DHX36: variants seen among roughly 807,000 people sequenced by gnomAD.
The protein encoded by DHX36 is ATP-dependent DNA/RNA helicase DHX36.
Under a neutral mutation model 139.0 loss-of-function variants are expected in DHX36, and 50 were observed. The observed-to-expected ratio is 0.36, with a 90% CI of 0.29 to 0.46. DHX36 has a LOEUF of 0.46. DHX36 is among the 20% of genes least tolerant of loss of function. The pLI, the probability that DHX36 is intolerant of heterozygous loss-of-function variation, is 1.00. For missense variants in DHX36, 1,024 were observed against 1,211.3 expected (o/e 0.85, Z 2.29); for synonymous variants, 425 against 401.9 (o/e 1.06, Z -0.69).
In DHX36 at chr3:154,324,124, GA is replaced by G. The variant is rs770667880; in HGVS notation, c.243+49del. The G allele has an allele frequency of 7.2e-6, 11 of 1,538,088 alleles. 1 individual carries two copies. In the South Asian group the frequency reaches 1.2e-4, roughly 17 times the overall value. ...AAGAAAAAGGGGGCAGCGGGAGAGA[GA>G]AGAAAACCTGTGCTGCCTCATCCTC... is the stretch of plus-strand genomic sequence containing the variant. On this transcript the variant is annotated intron_variant, in intron 1 of 24. Coordinates refer to ENST00000496811, the MANE Select transcript of DHX36 (RefSeq NM_020865.3).
Position 154,312,900 on chromosome 3 carries a change from T to TAA in DHX36, c.604-1228_604-1227dup, listed in dbSNP as rs1553759842. 6.7e-3 allele frequency among the ~76,000 whole-genome samples: 451 copies of TAA among 67,562 alleles called. 30 individuals carry two copies. The highest frequency in any genetic ancestry group is 0.013 in the East Asian group (22 of 1,660). The allele number at this position is 67,562 out of a possible 152,430, so 44.3% of individuals were successfully genotyped here. ...ATATATATATATATATATATATATA[T>TAA]AAAATAAATAAAGAACTGTCTTTGG... On this transcript the variant is annotated intron_variant, in intron 3 of 24. Transcript: ENST00000496811.
Position 154,292,711 on chromosome 3 carries a change from T to G in DHX36, c.1671-17A>C, listed in dbSNP as rs772599780. On this transcript the variant is annotated splice_polypyrimidine_tract_variant and intron_variant, in intron 14 of 24. Transcript: ENST00000496811. ...ATGGTAATGCTGTTTGGAAAACAGA[T>G]ATATAAAATGTTAAAACACACACAC... is the stretch of plus-strand genomic sequence containing the variant. The G allele has an allele frequency of 1.2e-6, 2 of 1,603,490 alleles. No homozygotes were observed. Among genetic ancestry groups the G allele is most frequent in the Non-Finnish European group, 1.7e-6 (2 of 1,177,920 alleles).
intron 23 of DHX36, 148 bp downstream of exon 23, chr3:154,277,450 T>C (rs2108329001): frequency 1.6e-6 from 1 of 637,214 alleles, no homozygotes; most frequent in African/African-American, 1.8e-5. Context: ...AAAGAATAGG[T>C]TATTTGTTAG....
chr3:154,298,682 G>A (rs1051700191), intron 12 of DHX36, among the ~76,000 whole-genome samples: 2 of 150,704 alleles, frequency 1.3e-5, no homozygotes, highest in African/African-American at 4.9e-5. Context: ...TTGGGAGGCC[G>A]AGGCAGGCAG....
At chr3:154,300,069 T>C (rs868659280) in intron 11 of DHX36, 144 bp from the exon 12 acceptor site, 2 of 604,412 alleles carry the variant, frequency 3.3e-6, no homozygotes, top group Non-Finnish European at 3.0e-6. Context: ...ATAAGCTTTT[T>C]TTTTTTAATT....
In DHX36 at chr3:154,305,172, T is replaced by C. The variant is rs1048475920; in HGVS notation, c.894-4A>G. 8 of 1,610,168 alleles carry C rather than the reference T, an allele frequency of 5.0e-6. No individual in the cohort carries two copies. Among genetic ancestry groups the C allele is most frequent in the Admixed American group, 1.7e-5 (1 of 59,236 alleles). The stretch of plus-strand genomic sequence containing the variant: ...ACCCTGTTTCCTTGGCAACCGACTG[T>C]GAATGAAAGACATGAATTAATAAGC... On this transcript the variant is annotated splice_polypyrimidine_tract_variant and splice_region_variant and intron_variant, in intron 6 of 24. Transcript: ENST00000496811.
Position 154,324,195 on chromosome 3 carries a change from GTTC to G in DHX36, c.219_221del (p.Lys73del), listed in dbSNP as rs1559963310. On this transcript the variant is annotated inframe_deletion, in exon 1 of 25. Coordinates refer to ENST00000496811, the MANE Select transcript of DHX36 (RefSeq NM_020865.3). ...TTACCTCTTGCCTCTCCGCTTCCTT[GTTC>G]TTCTGCCCCTGTTTTTTCGCGTACC... 6.2e-7 allele frequency: 1 copy of G among 1,612,636 alleles called. No individual in the cohort carries two copies. The highest frequency in any genetic ancestry group is 8.5e-7 in the Non-Finnish European group (1 of 1,179,164).
rs76014222 is a variant in DHX36, at chr3:154,306,738, A to G, written c.814-443T>C. 6.8e-4 allele frequency among the ~76,000 whole-genome samples: 103 copies of G among 152,328 alleles called. 1 individual carries two copies. In the East Asian group the frequency reaches 0.017, roughly 26 times the overall value. On this transcript the variant is annotated intron_variant, in intron 5 of 24. Transcript: ENST00000496811. ...GTTTTGAAAGTTATGACTGCCAAAA[A>G]TAAGATTTGGAAAGATGAAATGTTA... is the stretch of plus-strand genomic sequence containing the variant.
chr3:154,299,935 G>A lies in DHX36; in HGVS notation c.1462-10C>T, dbSNP rs1484968206. 6.3e-7 allele frequency: 1 copy of A among 1,594,930 alleles called. No individual in the cohort carries two copies. The highest frequency in any genetic ancestry group is 8.6e-7 in the Non-Finnish European group (1 of 1,163,208). On this transcript the variant is annotated splice_polypyrimidine_tract_variant and intron_variant, in intron 11 of 24. Coordinates refer to ENST00000496811, the MANE Select transcript of DHX36 (RefSeq NM_020865.3). ...CCAGTATCGCACCATCCTATATGAA[G>A]GGGAAATAACCATTACAAAGGATCA...
chr3:154,291,928 ACTT>A (rs1357864487), intron 15 of DHX36, among the ~76,000 whole-genome samples: 2 of 152,244 alleles, frequency 1.3e-5, no homozygotes, highest in African/African-American at 4.8e-5. Flanking sequence ...AGATAGTTTT[ACTT>A]CTTAAGTTAT....
chr3:154,286,183 A>AAC lies in DHX36; in HGVS notation c.2032-1197_2032-1196insGT, dbSNP rs1559946845. Among the ~76,000 whole-genome samples, 46 of 147,846 alleles carry AAC rather than the reference A, an allele frequency of 3.1e-4. 1 individual carries two copies. Among genetic ancestry groups the AAC allele is most frequent in the East Asian group, 1.6e-3 (8 of 5,118 alleles). ...CCACACACCAAAAAAAAAAAAAAAA[A>AAC]AAAAAAAAACACCAACAAACACTTT... On this transcript the variant is annotated intron_variant, in intron 17 of 24. Transcript: ENST00000496811.
chr3:154,280,585 C>CT lies in DHX36; in HGVS notation c.2560dup (p.Arg854LysfsTer19). On this transcript the variant is annotated frameshift_variant, in exon 22 of 25. Transcript: ENST00000496811. LOFTEE classifies it high-confidence loss of function. ...AATAATCTTCAATGCTTACATTTTT[C>CT]TTTTTTTACCCAAATTTAGTCGAAT... 1 of 1,604,010 alleles carries CT rather than the reference C, an allele frequency of 6.2e-7. No individual in the cohort carries two copies. Among genetic ancestry groups the CT allele is most frequent in the South Asian group, 1.1e-5 (1 of 89,676 alleles).
chr3:154,288,147 CAAAAAAAA>C (rs34632439), intron 17 of DHX36, among the ~76,000 whole-genome samples: 1 of 53,348 alleles, frequency 1.9e-5, no homozygotes, highest in Admixed American at 2.3e-4. Flanking sequence ...GACTCTGTCT[CAAAAAAAA>C]AAAAAAAAAA....
intron 12 of DHX36, among the ~76,000 whole-genome samples, chr3:154,297,107 T>G (rs997990001): frequency 4.6e-5 from 7 of 152,074 alleles, no homozygotes; most frequent in African/African-American, 1.7e-4. Context: ...TACATTACCA[T>G]GAGGAAAAGC....
chr3:154,307,128 A>T (rs1712535213), intron 5 of DHX36, among the ~76,000 whole-genome samples: 1 of 152,164 alleles, frequency 6.6e-6, no homozygotes, highest in Non-Finnish European at 1.5e-5. Flanking sequence ...CCTGGAATAT[A>T]GTCCCCATAA....
At chr3:154,319,776 G>C (rs574099066) in intron 1 of DHX36, among the ~76,000 whole-genome samples, 45 of 152,246 alleles carry the variant, frequency 3.0e-4, no homozygotes, top group African/African-American at 1.1e-3. Context: ...TATTACTGCA[G>C]CATAATTTGG....
At chr3:154,296,428 C>G (rs1042480347) in intron 12 of DHX36, among the ~76,000 whole-genome samples, 2 of 152,040 alleles carry the variant, frequency 1.3e-5, no homozygotes, top group African/African-American at 2.4e-5. Context: ...GAGCCGAGAT[C>G]GCGCCACTGC....
rs751657520 is a variant in DHX36 at position 154,301,032 on chromosome 3, A to C, written c.1313T>G (p.Ile438Arg). ...ATAATCTGGCCAACGTTCTTTATAT[A>C]TTGCTTCTTTTTCTTCTTTTTCTTG... ...NRQEKEEKEA[I>R]YKERWPDYVR... is the part of the protein sequence containing the mutation. The change falls in exon 10 of 25, where the codon ATA (isoleucine) becomes AGA (arginine). Residue 438 changes from isoleucine (I) to arginine (R), a missense_variant. Physicochemically the swap from Ile to Arg is moderately conservative, Grantham distance 97. This residue lies in a region of DHX36 where 115 missense variants were observed against 105.6 expected (regional missense o/e 1.09). Coordinates refer to ENST00000496811, the MANE Select transcript of DHX36 (RefSeq NM_020865.3). 13 of 1,613,266 alleles carry C rather than the reference A, an allele frequency of 8.1e-6. No homozygotes were observed. The highest frequency in any genetic ancestry group is 1.1e-5 in the Non-Finnish European group (13 of 1,179,850).
Position 154,306,307 on chromosome 3 carries a change from A to G in DHX36, c.814-12T>C. ...ACTCTTTCCGCAACCTTTAATTCAAATAAAACATAAAGAGAATATAATTTC... is the reference window on the plus strand; with the variant it reads ...ACTCTTTCCGCAACCTTTAATTCAAGTAAAACATAAAGAGAATATAATTTC... On this transcript the variant is annotated splice_polypyrimidine_tract_variant and intron_variant, in intron 5 of 24. Transcript: ENST00000496811. 3 of 1,605,026 alleles carry G rather than the reference A, an allele frequency of 1.9e-6. No homozygotes were observed. Among genetic ancestry groups the G allele is most frequent in the Non-Finnish European group, 2.6e-6 (3 of 1,172,460 alleles).
Sources: allele counts gnomAD v4.1 joint callset (sites outside exome capture counted in the v4.1 genomes callset), GRCh38; gene constraint gnomAD v4.1.1; regional missense constraint gnomAD v4.1.1; transcripts MANE v1.5; gene names NCBI Gene and HGNC (gene_info 2026-07-23, HGNC 2026-07-21).